The following VWA3B variants were observed in gnomAD, a reference collection of about 807,000 sequenced individuals.
VWA3B encodes von Willebrand factor A domain containing 3B, also known as von Willebrand factor A domain-containing protein 3B.
In VWA3B, 138 loss-of-function variants were observed where a neutral mutation model predicts 158.3. That is an observed-to-expected ratio of 0.87 (90% confidence interval 0.76 to 1.00). The LOEUF (loss-of-function observed/expected upper bound fraction) is 1.00. VWA3B is among the 50% of genes least tolerant of loss of function. The pLI, the probability that VWA3B is intolerant of heterozygous loss-of-function variation, is 0.00. For synonymous variants in VWA3B, 596 were observed against 587.3 expected (o/e 1.01, Z -0.21); for missense variants, 1,555 against 1,565.1 (o/e 0.99, Z 0.11).
chr2:98,284,647 T>C (rs1237551643), intron 22 of VWA3B, among the ~76,000 whole-genome samples: 1 of 152,124 alleles, frequency 6.6e-6, no homozygotes, highest in East Asian at 1.9e-4. Context: ...TGCAAAAAGG[T>C]GGCATCAAAA....
intron 19 of VWA3B, among the ~76,000 whole-genome samples, chr2:98,240,798 C>T (rs532282125): frequency 1.3e-5 from 2 of 152,086 alleles, no homozygotes; most frequent in Non-Finnish European, 2.9e-5. Context: ...TATATCCATA[C>T]TCTGTGAATA....
chr2:98,192,287 A>G (rs1681654333), intron 10 of VWA3B: 1 of 154,044 alleles, frequency 6.5e-6, no homozygotes, highest in African/African-American at 2.4e-5. Flanking sequence ...AAAGCTTTTA[A>G]TCACCTGGGT....
At chr2:98,263,408 T>C (rs1574227693) in intron 21 of VWA3B, among the ~76,000 whole-genome samples, 5 of 152,042 alleles carry the variant, frequency 3.3e-5, no homozygotes, top group African/African-American at 1.2e-4. Flanking sequence ...TATGTTGATA[T>C]AGTTTCTTAG....
chr2:98,261,448 A>C (rs1687474585), intron 21 of VWA3B, among the ~76,000 whole-genome samples: 1 of 151,818 alleles, frequency 6.6e-6, no homozygotes, highest in Non-Finnish European at 1.5e-5. Flanking sequence ...TACCAAACAT[A>C]CAAGAATACT....
chr2:98,187,919 A>G, intron 9 of VWA3B, 56 bp from the exon 10 acceptor site: 1 of 1,504,358 alleles, frequency 6.6e-7, no homozygotes, highest in Non-Finnish European at 8.9e-7. Context: ...TGCCATCTGG[A>G]GGCTCTTCTC....
rs1232959961 is a variant in VWA3B, at chr2:98,212,040, A to G, written c.1836+12A>G. On this transcript the variant is annotated intron_variant, in intron 13 of 27. Transcript: ENST00000477737. ...GGAGACCTGATCAGGTACTTACCAG[A>G]GCTGGGAACAAAGAGGGCCTCACTG... is the stretch of plus-strand genomic sequence containing the variant. 1 of 1,612,328 alleles carries G rather than the reference A, an allele frequency of 6.2e-7. No individual in the cohort carries two copies. The highest frequency in any genetic ancestry group is 8.5e-7 in the Non-Finnish European group (1 of 1,178,680).
chr2:98,186,218 G>C (rs1681032742), intron 9 of VWA3B, among the ~76,000 whole-genome samples: 1 of 138,390 alleles, frequency 7.2e-6, no homozygotes. Flanking sequence ...CTCGCTGGCT[G>C]TTCCTCTCTC....
chr2:98,093,933 G>T (rs1266736575), intron 2 of VWA3B, among the ~76,000 whole-genome samples: 1 of 152,104 alleles, frequency 6.6e-6, no homozygotes, highest in Non-Finnish European at 1.5e-5. Flanking sequence ...TTAACATAAT[G>T]CCCTTGAGGT....
intron 12 of VWA3B, among the ~76,000 whole-genome samples, chr2:98,200,542 CAAAA>C (rs35030422): frequency 5.3e-5 from 5 of 93,756 alleles, no homozygotes; most frequent in Non-Finnish European, 2.2e-5. Flanking sequence ...GACTCCATCT[CAAAA>C]AAAAAAAAAA....
chr2:98,092,816 G>GTGTATA (rs1185877811), intron 1 of VWA3B, among the ~76,000 whole-genome samples: 20 of 51,496 alleles, frequency 3.9e-4, no homozygotes, highest in African/African-American at 1.0e-3. Context: ...AGATGTTTTT[G>GTGTATA]TATATATATA....
At chr2:98,276,675 T>C (rs949457098) in intron 22 of VWA3B, among the ~76,000 whole-genome samples, 1 of 147,272 alleles carries the variant, frequency 6.8e-6, no homozygotes, top group African/African-American at 2.5e-5. Flanking sequence ...GGGCTGCCCA[T>C]GTGTGTCCAG....
In VWA3B at chr2:98,121,332, T is replaced by C; in HGVS notation, c.576T>C (p.Asn192=). Residue 192 remains asparagine, a synonymous_variant, in exon 5 of 28, where the codon AAT becomes AAC. Coordinates refer to ENST00000477737, the MANE Select transcript of VWA3B (RefSeq NM_144992.5). ...AAGAGCCTGTGAAGTGGCAGGAAAA[T>C]GCTACTCCTGTGACCGAACAGTCCA... ...VSQEPVKWQE[N]ATPVTEQSIA... 2.5e-6 allele frequency: 4 copies of C among 1,613,856 alleles called. No homozygotes were observed. Among genetic ancestry groups the C allele is most frequent in the Non-Finnish European group, 3.4e-6 (4 of 1,179,842 alleles).
chr2:98,228,453 TA>T, intron 15 of VWA3B, 121 bp downstream of exon 15: 1 of 1,211,940 alleles, frequency 8.3e-7, no homozygotes, highest in Non-Finnish European at 1.1e-6. Context: ...AAGAATCACG[TA>T]GTGTGATTAA....
chr2:98,118,871 C>T (rs1674731339), intron 3 of VWA3B, among the ~76,000 whole-genome samples: 1 of 152,208 alleles, frequency 6.6e-6, no homozygotes, highest in Non-Finnish European at 1.5e-5. Context: ...CACAGTGTGT[C>T]TGATCTATGT....
chr2:98,245,440 C>T (rs1686331274), intron 19 of VWA3B: 10 of 402,856 alleles, frequency 2.5e-5, no homozygotes, highest in South Asian at 1.8e-4. Flanking sequence ...GTTGTAAAAA[C>T]TAAGATGTCA....
intron 12 of VWA3B, among the ~76,000 whole-genome samples, chr2:98,210,060 A>C (rs921724801): frequency 1.3e-5 from 2 of 152,160 alleles, no homozygotes; most frequent in Non-Finnish European, 2.9e-5. Context: ...TGGGGAGCAG[A>C]CCACAGATTA....
chr2:98,149,202 G>T (rs1030327411), intron 7 of VWA3B, among the ~76,000 whole-genome samples: 2 of 152,178 alleles, frequency 1.3e-5, no homozygotes, highest in African/African-American at 4.8e-5. Context: ...TTGCTTTTTG[G>T]TGTATTAAAG....
At chr2:98,196,779 C>A (rs988432819) in intron 12 of VWA3B, among the ~76,000 whole-genome samples, 1 of 152,194 alleles carries the variant, frequency 6.6e-6, no homozygotes, top group Non-Finnish European at 1.5e-5. Context: ...TGTTTACCAT[C>A]TGGAATACAC....
intron 21 of VWA3B, among the ~76,000 whole-genome samples, chr2:98,264,405 C>T (rs557430273): frequency 2.4e-4 from 37 of 152,100 alleles, no homozygotes; most frequent in African/African-American, 5.3e-4. Context: ...TCATACATTT[C>T]GATATGTTGT....
Sources: allele counts gnomAD v4.1 joint callset (sites outside exome capture counted in the v4.1 genomes callset), GRCh38; gene constraint gnomAD v4.1.1; transcripts MANE v1.5; gene names NCBI Gene and HGNC (gene_info 2026-07-23, HGNC 2026-07-21).